Variants in TTC7B observed in about 807,000 individuals in gnomAD.
The protein encoded by TTC7B is tetratricopeptide repeat domain 7B.
TTC7B carries 28 observed loss-of-function variants against 106.8 expected under a neutral mutation model. The ratio of observed to expected loss-of-function variants is 0.26; its 90% CI spans 0.19 to 0.36. TTC7B has a LOEUF of 0.36. Ranked by LOEUF, TTC7B falls within the 10% of genes least tolerant of loss-of-function variation. The pLI is 1.00. For synonymous variants in TTC7B, 405 were observed against 430.6 expected (o/e 0.94, Z 0.74); for missense variants, 862 against 1,076.4 (o/e 0.80, Z 2.79).
rs757898566 is a variant in TTC7B, at chr14:90,805,581, T to C, written c.121+10594A>G. Among the ~76,000 whole-genome samples, 1 of 152,132 alleles carries C rather than the reference T, an allele frequency of 6.6e-6. No individual in the cohort carries two copies. Among genetic ancestry groups the C allele is most frequent in the African/African-American group, 2.4e-5 (1 of 41,428 alleles). Reference sequence around the variant, plus strand: ...GCGCCCGGCCTAAACCTCACCTCTATCTGCAAGGTTGGAACAGGGGTAAGG... The same window carrying C: ...GCGCCCGGCCTAAACCTCACCTCTACCTGCAAGGTTGGAACAGGGGTAAGG... On this transcript the variant is annotated intron_variant, in intron 1 of 19. Coordinates refer to ENST00000328459, the MANE Select transcript of TTC7B (RefSeq NM_001010854.2). This position sits in a 1 kb window ranked among gnomAD's most constrained non-coding sequence, Gnocchi z 4.0.
intron 7 of TTC7B, among the ~76,000 whole-genome samples, chr14:90,685,239 G>A (rs1359058628): frequency 6.6e-6 from 1 of 152,160 alleles, no homozygotes. Context: ...CTGTGGAGAA[G>A]GAGACTGTTA....
At chr14:90,738,178 T>G (rs1400211874) in intron 4 of TTC7B, among the ~76,000 whole-genome samples, 1 of 152,182 alleles carries the variant, frequency 6.6e-6, no homozygotes, top group African/African-American at 2.4e-5. Context: ...TCAACCTCAC[T>G]GGTAATCCAA....
chr14:90,700,747 A>C (rs1887952584), intron 5 of TTC7B, among the ~76,000 whole-genome samples: 2 of 133,356 alleles, frequency 1.5e-5, no homozygotes, highest in African/African-American at 5.5e-5. Flanking sequence ...GGATATTGTC[A>C]ACACTTACAA....
In TTC7B at chr14:90,805,520, C is replaced by T. The variant is rs1028386629; in HGVS notation, c.121+10655G>A. Reference sequence around the variant, plus strand: ...ACCTCAGGGGATCTACCCACCGTGGCCTCCCAAACTGCTGGGATTGCAGGC... The same window carrying T: ...ACCTCAGGGGATCTACCCACCGTGGTCTCCCAAACTGCTGGGATTGCAGGC... On this transcript the variant is annotated intron_variant, in intron 1 of 19. Coordinates refer to ENST00000328459, the MANE Select transcript of TTC7B (RefSeq NM_001010854.2). The surrounding 1 kb of genome is among the most constrained non-coding windows in gnomAD (Gnocchi z 4.0). Among the ~76,000 whole-genome samples, 1 of 152,202 alleles carries T rather than the reference C, an allele frequency of 6.6e-6. No homozygotes were observed. The highest frequency in any genetic ancestry group is 1.5e-5 in the Non-Finnish European group (1 of 68,032).
In TTC7B at chr14:90,534,590, G is replaced by A. The variant is rs1889370683; in HGVS notation, c.*6778C>T. On this transcript the variant is annotated 3_prime_UTR_variant, in exon 20 of 20. Coordinates refer to ENST00000328459, the MANE Select transcript of TTC7B (RefSeq NM_001010854.2). ...GCCCACCCTGTCGGCCTTGAGAGGT[G>A]GTGGGGGAGGAGCAGGAATGAGAAG... is the stretch of plus-strand genomic sequence containing the variant. The A allele has an allele frequency of 6.5e-6, 1 of 152,794 alleles. No individual in the cohort carries two copies. The highest frequency in any genetic ancestry group is 1.5e-5 in the Non-Finnish European group (1 of 68,470). 9.5% of individuals were successfully genotyped at this position (152,794 alleles called of 1,614,324 possible). A position where few individuals can be genotyped will look rare whatever the true frequency, so the allele number is the denominator to read the frequency against.
chr14:90,695,372 T>A, intron 6 of TTC7B, 128 bp downstream of exon 6: 1 of 387,380 alleles, frequency 2.6e-6, no homozygotes, highest in Non-Finnish European at 4.6e-6. Flanking sequence ...AATGCATATA[T>A]GTCACATATA....
At chr14:90,685,278 G>A (rs892654463) in intron 7 of TTC7B, among the ~76,000 whole-genome samples, 2 of 152,120 alleles carry the variant, frequency 1.3e-5, no homozygotes, top group Admixed American at 6.5e-5. Context: ...CATTATCTAC[G>A]GATTCCCTTT....
chr14:90,647,205 C>A (rs139722910), intron 13 of TTC7B, 182 bp from the exon 14 acceptor site: 2 of 595,280 alleles, frequency 3.4e-6, no homozygotes, highest in East Asian at 5.8e-5. Context: ...TTCCCTCTTA[C>A]CACTGTATAA....
chr14:90,685,292 A>T (rs1459717693), intron 7 of TTC7B, among the ~76,000 whole-genome samples: 2 of 152,086 alleles, frequency 1.3e-5, no homozygotes, highest in African/African-American at 4.8e-5. Context: ...TCCCTTTCCC[A>T]CCTCCAAACC....
chr14:90,707,372 G>A (rs1055631910), intron 5 of TTC7B, among the ~76,000 whole-genome samples: 1 of 152,134 alleles, frequency 6.6e-6, no homozygotes, highest in African/African-American at 2.4e-5. Flanking sequence ...ATATTGAAAT[G>A]AGGCCAATTA....
chr14:90,711,548 A>C (rs1259919173), intron 5 of TTC7B, among the ~76,000 whole-genome samples: 1 of 152,164 alleles, frequency 6.6e-6, no homozygotes, highest in Non-Finnish European at 1.5e-5. Flanking sequence ...CAGCCCCCCA[A>C]GTAGCTGGGA....
rs537979896 is a variant in TTC7B at position 90,689,175 on chromosome 14, A to G, written c.950+365T>C. ...GGAATTGCTGAAGAAAAGAAATGTT[A>G]GATGGGTGAGATCGATGTTAGATGT... On this transcript the variant is annotated intron_variant, in intron 7 of 19. Coordinates refer to ENST00000328459, the MANE Select transcript of TTC7B (RefSeq NM_001010854.2). Among the ~76,000 whole-genome samples the G allele has an allele frequency of 2.6e-5, 4 of 152,348 alleles. No homozygotes were observed. The East Asian group carries it at 7.7e-4, about 29-fold the overall frequency.
At chr14:90,753,027 A>C (rs1890181191) in intron 3 of TTC7B, among the ~76,000 whole-genome samples, 1 of 152,238 alleles carries the variant, frequency 6.6e-6, no homozygotes, top group African/African-American at 2.4e-5. Context: ...TGAACTACTG[A>C]GATACTGCCT....
intron 17 of TTC7B, among the ~76,000 whole-genome samples, chr14:90,604,059 C>T (rs778495383): frequency 9.2e-5 from 14 of 152,190 alleles, no homozygotes; most frequent in Non-Finnish European, 1.3e-4. Flanking sequence ...TAAAGTGCCT[C>T]CCCTGAAGAG....
chr14:90,806,487 A>C (rs1161877142), intron 1 of TTC7B, among the ~76,000 whole-genome samples: 1 of 152,190 alleles, frequency 6.6e-6, no homozygotes, highest in African/African-American at 2.4e-5. Flanking sequence ...AAAGAAACCG[A>C]GCATCTGAAC....
intron 9 of TTC7B, 75 bp downstream of exon 9, chr14:90,676,448 C>A (rs1402489023): frequency 1.9e-6 from 3 of 1,545,242 alleles, no homozygotes; most frequent in African/African-American, 2.7e-5. Flanking sequence ...AGGACCAGGT[C>A]TCACAGCGCT....
chr14:90,579,596 G>A (rs913428506), intron 18 of TTC7B, among the ~76,000 whole-genome samples: 4 of 152,164 alleles, frequency 2.6e-5, no homozygotes, highest in South Asian at 2.1e-4. Flanking sequence ...TCAGGAGTTC[G>A]AAACCAGCCT....
At chr14:90,754,650 T>C (rs572790165) in intron 3 of TTC7B, among the ~76,000 whole-genome samples, 12 of 152,338 alleles carry the variant, frequency 7.9e-5, no homozygotes, top group South Asian at 2.1e-4. Context: ...GGTTTTAGTA[T>C]GTTCACATAG....
At chr14:90,804,073 C>A (rs535207052) in intron 1 of TTC7B, among the ~76,000 whole-genome samples, 1 of 152,264 alleles carries the variant, frequency 6.6e-6, no homozygotes, top group East Asian at 1.9e-4. Context: ...TTGTGGCTCA[C>A]GCCTGTAATC....
Sources: allele counts gnomAD v4.1 joint callset (sites outside exome capture counted in the v4.1 genomes callset), GRCh38; gene constraint gnomAD v4.1.1; non-coding constraint Gnocchi (gnomAD v3.1); transcripts MANE v1.5; gene names NCBI Gene and HGNC (gene_info 2026-07-23, HGNC 2026-07-21).